The following CNTNAP2 variants were observed in gnomAD, a reference collection of about 807,000 sequenced individuals.
CNTNAP2 encodes the protein contactin-associated protein-like 2.
A neutral mutation model predicts 155.2 loss-of-function variants in CNTNAP2; 98 were observed. The observed-to-expected ratio is 0.63, with a 90% CI of 0.54 to 0.75. The LOEUF is 0.75. Ranked by LOEUF, CNTNAP2 falls within the 30% of genes least tolerant of loss-of-function variation. CNTNAP2 has a pLI of 0.00. For synonymous variants in CNTNAP2, 651 were observed against 631.2 expected, an observed-to-expected ratio of 1.03 and a Z score of -0.47; for missense variants, 1,727 against 1,688.1, an observed-to-expected ratio of 1.02 and a Z score of -0.40.
chr7:147,788,640 C>T (rs1584955525), intron 13 of CNTNAP2, among the ~76,000 whole-genome samples: 1 of 152,234 alleles, frequency 6.6e-6, no homozygotes, highest in East Asian at 1.9e-4. Flanking sequence ...TCACACCATC[C>T]TCTTTCCTGA....
At chr7:146,545,291 C>G (rs565600067) in intron 1 of CNTNAP2, among the ~76,000 whole-genome samples, 4 of 151,998 alleles carry the variant, frequency 2.6e-5, no homozygotes, top group African/African-American at 9.6e-5. Context: ...CTACCGTGAA[C>G]TGTTCGAAGT....
At chr7:147,427,535 G>T (rs879395155) in intron 10 of CNTNAP2, among the ~76,000 whole-genome samples, 1 of 152,114 alleles carries the variant, frequency 6.6e-6, no homozygotes, top group Non-Finnish European at 1.5e-5. Context: ...GGAGGCCCCC[G>T]TCATGGAGAG....
intron 1 of CNTNAP2, among the ~76,000 whole-genome samples, chr7:146,202,778 G>T (rs1798886703): frequency 6.6e-6 from 1 of 151,996 alleles, no homozygotes; most frequent in Admixed American, 6.6e-5. Flanking sequence ...TAAAAATAAT[G>T]AGTTCAACTA....
chr7:146,182,240 TTTTG>T (rs997836317), intron 1 of CNTNAP2, among the ~76,000 whole-genome samples: 3 of 152,078 alleles, frequency 2.0e-5, no homozygotes, highest in South Asian at 2.1e-4. Flanking sequence ...AAGAGAATCT[TTTTG>T]TTTGTTTGTT....
At position 146,404,761 on chromosome 7, in the gene CNTNAP2, C is replaced by T. The variant is rs182355649; in HGVS notation, c.97+287788C>T. 4.1e-4 allele frequency among the ~76,000 whole-genome samples: 62 copies of T among 152,174 alleles called. 1 individual carries two copies. The South Asian group carries it at 0.012, about 31-fold the overall frequency. On this transcript the variant is annotated intron_variant, in intron 1 of 23. Transcript: ENST00000361727. ...AGCCCACTTGCCATGCTTCTTCCCTCCTCGTCCTTCTGCTGGAGTTGGCCT... is the reference window on the plus strand; with the variant it reads ...AGCCCACTTGCCATGCTTCTTCCCTTCTCGTCCTTCTGCTGGAGTTGGCCT...
intron 1 of CNTNAP2, among the ~76,000 whole-genome samples, chr7:146,364,432 C>G (rs1795127124): frequency 6.6e-6 from 1 of 152,120 alleles, no homozygotes; most frequent in Non-Finnish European, 1.5e-5. Context: ...GTATTCTTTT[C>G]ACTGTACTTA....
chr7:147,391,648 A>G (rs1405811908), intron 9 of CNTNAP2, among the ~76,000 whole-genome samples: 1 of 152,116 alleles, frequency 6.6e-6, no homozygotes, highest in Non-Finnish European at 1.5e-5. Flanking sequence ...TTTTAAGATA[A>G]TTAGAATCCC....
At chr7:148,065,155 T>A (rs1250347636) in intron 15 of CNTNAP2, among the ~76,000 whole-genome samples, 1 of 152,224 alleles carries the variant, frequency 6.6e-6, no homozygotes, top group African/African-American at 2.4e-5. Flanking sequence ...TCTGAGAAAG[T>A]ACTTGATATA....
chr7:146,603,273 GTGGTGGCGGGCGCC>G (rs1563152676), intron 1 of CNTNAP2, among the ~76,000 whole-genome samples: 1 of 150,856 alleles, frequency 6.6e-6, no homozygotes, highest in Non-Finnish European at 1.5e-5. Flanking sequence ...TTAGCCGGGC[GTGGTGGCGGGCGCC>G]TGTAGTCCCA....
intron 13 of CNTNAP2, among the ~76,000 whole-genome samples, chr7:147,691,505 A>G (rs1796087145): frequency 6.6e-6 from 1 of 152,156 alleles, no homozygotes; most frequent in African/African-American, 2.4e-5. Context: ...AACTTGATCT[A>G]CAGATTCAAT....
intron 15 of CNTNAP2, among the ~76,000 whole-genome samples, chr7:148,010,073 T>C (rs951685814): frequency 1.6e-4 from 25 of 152,216 alleles, no homozygotes; most frequent in Non-Finnish European, 3.1e-4. Context: ...ACTTGCTCCA[T>C]AACAGTTAGT....
At chr7:146,956,016 C>A (rs903702291) in intron 3 of CNTNAP2, among the ~76,000 whole-genome samples, 1 of 151,818 alleles carries the variant, frequency 6.6e-6, no homozygotes, top group African/African-American at 2.4e-5. Flanking sequence ...AATAGTGTTC[C>A]CCCTCCAAGT....
At chr7:146,170,944 A>G (rs906923718) in intron 1 of CNTNAP2, among the ~76,000 whole-genome samples, 4 of 152,094 alleles carry the variant, frequency 2.6e-5, no homozygotes, top group Non-Finnish European at 5.9e-5. Context: ...GGAGAATCGC[A>G]TGAACCTGGG....
At chr7:147,158,137 G>T (rs1801961162) in intron 8 of CNTNAP2, among the ~76,000 whole-genome samples, 1 of 151,964 alleles carries the variant, frequency 6.6e-6, no homozygotes, top group Non-Finnish European at 1.5e-5. Context: ...TGTTTCCCCA[G>T]TGACTTCTTA....
At chr7:148,210,273 C>G (rs140458920) in intron 18 of CNTNAP2, among the ~76,000 whole-genome samples, 29 of 152,312 alleles carry the variant, frequency 1.9e-4, no homozygotes, top group Non-Finnish European at 1.9e-4. Context: ...CACACTAATC[C>G]TTTATTATAT....
chr7:147,032,823 A>G lies in CNTNAP2; in HGVS notation c.403-11084A>G, dbSNP rs924256651. ...CTGCCAGTGACTTAGACTGGAGATAAATAAACTATGGGAGGCAATAAAGCC... is the reference window on the plus strand; with the variant it reads ...CTGCCAGTGACTTAGACTGGAGATAGATAAACTATGGGAGGCAATAAAGCC... On this transcript the variant is annotated intron_variant, in intron 3 of 23. Transcript: ENST00000361727. Among the ~76,000 whole-genome samples, 116 of 152,006 alleles carry G rather than the reference A, an allele frequency of 7.6e-4. 1 individual carries two copies. Among genetic ancestry groups the G allele is most frequent in the Non-Finnish European group, 1.3e-3 (89 of 68,004 alleles).
At chr7:147,163,269 CAAT>C (rs564592783) in intron 8 of CNTNAP2, among the ~76,000 whole-genome samples, 23 of 152,220 alleles carry the variant, frequency 1.5e-4, no homozygotes, top group Middle Eastern at 3.4e-3. Context: ...AGAACAACAA[CAAT>C]ATCTTAACTG....
At chr7:147,469,187 T>G (rs1457698712) in intron 10 of CNTNAP2, among the ~76,000 whole-genome samples, 2 of 152,138 alleles carry the variant, frequency 1.3e-5, no homozygotes, top group Admixed American at 1.3e-4. Flanking sequence ...GAAGCTCCTT[T>G]GCAGTAATCA....
At chr7:146,526,859 A>T (rs549468141) in intron 1 of CNTNAP2, among the ~76,000 whole-genome samples, 1 of 152,312 alleles carries the variant, frequency 6.6e-6, no homozygotes, top group African/African-American at 2.4e-5. Flanking sequence ...ACTACATGAT[A>T]AAAGAGTTAT....
Sources: allele counts gnomAD v4.1 joint callset (sites outside exome capture counted in the v4.1 genomes callset), GRCh38; gene constraint gnomAD v4.1.1; transcripts MANE v1.5; gene names NCBI Gene and HGNC (gene_info 2026-07-23, HGNC 2026-07-21).